The following SLTM variants were observed in gnomAD, a reference collection of about 807,000 sequenced individuals.
SLTM encodes the protein SAFB like transcription modulator.
Under a neutral mutation model 134.6 loss-of-function variants are expected in SLTM, and 43 were observed. The observed-to-expected ratio is 0.32, with a 90% confidence interval of 0.25 to 0.41. The LOEUF (loss-of-function observed/expected upper bound fraction) is 0.41. SLTM is among the 10% of genes least tolerant of loss of function. The probability of loss-of-function intolerance (pLI) is 1.00; values close to 1 mark genes in which losing one functional copy is unlikely to be tolerated. For synonymous variants in SLTM, 424 were observed against 432.3 expected, an observed-to-expected ratio of 0.98 and a Z score of 0.24; for missense variants, 1,055 against 1,288.8, an observed-to-expected ratio of 0.82 and a Z score of 2.78.
At chr15:58,928,186 T>C in intron 2 of SLTM, among the ~76,000 whole-genome samples, 1 of 152,204 alleles carries the variant, frequency 6.6e-6, no homozygotes, top group Non-Finnish European at 1.5e-5. Flanking sequence ...CACATCACTT[T>C]TGCTGAAGTT....
At chr15:58,889,766 A>T (rs2034515807) in intron 15 of SLTM, among the ~76,000 whole-genome samples, 1 of 152,252 alleles carries the variant, frequency 6.6e-6, no homozygotes, top group South Asian at 2.1e-4. Flanking sequence ...GGGTGGTAAA[A>T]GTTGGCAAGT....
intron 5 of SLTM, among the ~76,000 whole-genome samples, chr15:58,909,531 A>T (rs2036108234): frequency 6.6e-6 from 1 of 152,228 alleles, no homozygotes; most frequent in Non-Finnish European, 1.5e-5. Context: ...AGTCCAACCA[A>T]TAAAGAAGAA....
intron 14 of SLTM, among the ~76,000 whole-genome samples, chr15:58,891,707 A>G (rs1468847863): frequency 6.6e-6 from 1 of 152,214 alleles, no homozygotes; most frequent in Non-Finnish European, 1.5e-5. Flanking sequence ...CTAAACCTTC[A>G]TATCTGGAAT....
At chr15:58,888,267 C>A (rs1281785839) in intron 17 of SLTM, 118 bp downstream of exon 17, 2 of 789,726 alleles carry the variant, frequency 2.5e-6, no homozygotes, top group African/African-American at 1.8e-5. Flanking sequence ...ACAAAAACCA[C>A]GTAAATTGTT....
intron 5 of SLTM, among the ~76,000 whole-genome samples, chr15:58,908,395 C>G (rs1291945275): frequency 6.6e-6 from 1 of 152,054 alleles, no homozygotes; most frequent in East Asian, 1.9e-4. Context: ...GAGATAGGGT[C>G]TTGCTCTATT....
intron 5 of SLTM, among the ~76,000 whole-genome samples, chr15:58,903,682 T>TATA (rs1234065489): frequency 9.4e-5 from 14 of 149,398 alleles, no homozygotes; most frequent in South Asian, 2.1e-4. Context: ...AAACTTAAAG[T>TATA]ATAATAATAA....
intron 3 of SLTM, among the ~76,000 whole-genome samples, chr15:58,914,611 T>A (rs1007112420): frequency 2.0e-5 from 3 of 152,166 alleles, no homozygotes; most frequent in Non-Finnish European, 4.4e-5. Flanking sequence ...AGTACATGGC[T>A]GTATTATGGC....
At chr15:58,923,719 G>T (rs1388471718) in intron 2 of SLTM, among the ~76,000 whole-genome samples, 2 of 149,950 alleles carry the variant, frequency 1.3e-5, no homozygotes, top group Non-Finnish European at 3.0e-5. Flanking sequence ...AGGGAATCTA[G>T]CAACTGCCGC....
At position 58,880,644 on chromosome 15, in the gene SLTM, T is replaced by C. The variant is rs539262850; in HGVS notation, c.2997-537A>G. 1.4e-4 allele frequency among the ~76,000 whole-genome samples: 21 copies of C among 152,306 alleles called. No individual in the cohort carries two copies. In the East Asian group the frequency reaches 3.7e-3, roughly 27 times the overall value. On this transcript the variant is annotated intron_variant, in intron 20 of 20. Transcript: ENST00000380516. Reference sequence around the variant, plus strand: ...ACATTCATGGCTCACTGCAGCAGCCTTGACTTCCTGGGCTCAGGTGATTCT... The same window carrying C: ...ACATTCATGGCTCACTGCAGCAGCCCTGACTTCCTGGGCTCAGGTGATTCT...
intron 2 of SLTM, among the ~76,000 whole-genome samples, chr15:58,923,580 C>T (rs760251353): frequency 1.4e-4 from 22 of 151,990 alleles, no homozygotes; most frequent in Non-Finnish European, 2.2e-4. Context: ...CCTTAAATTC[C>T]GACAAGCGGC....
At chr15:58,888,625 C>A in intron 16 of SLTM, 70 bp from the exon 17 acceptor site, 1 of 1,467,606 alleles carries the variant, frequency 6.8e-7, no homozygotes, top group South Asian at 1.2e-5. Context: ...TACTTGGAGT[C>A]ATACATACCA....
At chr15:58,922,350 C>A (rs1259316176) in intron 2 of SLTM, among the ~76,000 whole-genome samples, 2 of 97,672 alleles carry the variant, frequency 2.0e-5, no homozygotes, top group African/African-American at 8.4e-5. Context: ...GCACTCCAGT[C>A]TGGGTGACAA....
chr15:58,886,938 G>A, intron 19 of SLTM, 37 bp downstream of exon 19: 1 of 1,610,788 alleles, frequency 6.2e-7, no homozygotes. Flanking sequence ...CTAAATGTAT[G>A]TGTGCAGGCT....
intron 6 of SLTM, 161 bp downstream of exon 6, chr15:58,901,099 C>A: frequency 1.6e-6 from 1 of 640,162 alleles, no homozygotes; most frequent in Non-Finnish European, 2.7e-6. Flanking sequence ...AAAATTAAAA[C>A]CAATTGGAAA....
chr15:58,910,799 T>C (rs1462816354), intron 5 of SLTM, among the ~76,000 whole-genome samples: 1 of 149,836 alleles, frequency 6.7e-6, no homozygotes, highest in Non-Finnish European at 1.5e-5. Context: ...GGCTGGAGTG[T>C]AGTGGCACAA....
chr15:58,893,741 G>C (rs1379481153), intron 12 of SLTM, 80 bp downstream of exon 12: 6 of 1,442,910 alleles, frequency 4.2e-6, no homozygotes, highest in African/African-American at 1.4e-5. Flanking sequence ...ATCTGGATTA[G>C]AATTTCAGGT....
rs2036426044 is a variant in SLTM, at chr15:58,913,529, TTCTATTCCTTCTGCC to T, written c.468_482del (p.Ala157_Glu161del). The T allele has an allele frequency of 6.2e-7, 1 of 1,612,518 alleles. No homozygotes were observed. ...TTTCGATGTCCTCTTTTTCTATATC[TTCTATTCCTTCTGCC>T]TCTATTAATTCATGAGCTCTCTTGT... On this transcript the variant is annotated inframe_deletion, in exon 4 of 21. Coordinates refer to ENST00000380516, the MANE Select transcript of SLTM (RefSeq NM_024755.4).
At chr15:58,905,677 A>T (rs1404730886) in intron 5 of SLTM, among the ~76,000 whole-genome samples, 2 of 152,168 alleles carry the variant, frequency 1.3e-5, no homozygotes, top group Admixed American at 6.5e-5. Flanking sequence ...TAGCTTCAAG[A>T]AAAAAACATA....
In SLTM at chr15:58,887,245, T is replaced by C. The variant is rs2034291737; in HGVS notation, c.2671A>G (p.Thr891Ala). The change falls in exon 18 of 21, where the codon ACT (threonine) becomes GCT (alanine). Residue 891 changes from threonine (T) to alanine (A), a missense_variant. Transcript: ENST00000380516. ...TSWKSEGSMS[T>A]DKRETRVERP... is the part of the protein sequence containing the mutation. ...AGCTACCTTGTTTCCCGTTTGTCAG[T>C]GGACATGCTTCCTTCACTTTTCCAG... is the stretch of plus-strand genomic sequence containing the variant. 1 of 1,614,040 alleles carries C rather than the reference T, an allele frequency of 6.2e-7. No homozygotes were observed. The highest frequency in any genetic ancestry group is 8.5e-7 in the Non-Finnish European group (1 of 1,179,916).
Sources: gnomAD v4.1 joint callset for allele counts (sites outside exome capture counted in the v4.1 genomes callset) on GRCh38, gnomAD v4.1.1 for gene constraint, MANE v1.5 for transcripts, NCBI Gene and HGNC (gene_info 2026-07-23, HGNC 2026-07-21) for gene names.